Variants in NAV3 observed in about 807,000 individuals in gnomAD.
The protein encoded by NAV3 is pore membrane and/or filament interacting like protein 1.
NAV3 carries 87 observed loss-of-function variants against 244.7 expected under a neutral mutation model. The observed-to-expected ratio is 0.36, with a 90% CI of 0.30 to 0.42. The LOEUF (loss-of-function observed/expected upper bound fraction) is 0.42, where lower values mean the gene tolerates loss of function less well. Among genes scored for constraint, NAV3 ranks in the 20% least tolerant of loss-of-function variants. The pLI is 1.00. For missense variants in NAV3, 2,663 were observed against 2,893.3 expected, an observed-to-expected ratio of 0.92 and a Z score of 1.83; for synonymous variants, 1,126 against 1,042.2, an observed-to-expected ratio of 1.08 and a Z score of -1.55.
chr12:77,750,094 C>T (rs1565797784), intron 2 of NAV3, among the ~76,000 whole-genome samples: 10 of 152,156 alleles, frequency 6.6e-5, no homozygotes, highest in Admixed American at 6.5e-4. Flanking sequence ...TGGCTTACGC[C>T]TGTAATCCCA....
At chr12:78,063,269 G>T (rs915415273) in intron 12 of NAV3, among the ~76,000 whole-genome samples, 4 of 152,158 alleles carry the variant, frequency 2.6e-5, no homozygotes, top group African/African-American at 9.7e-5. Context: ...AAAAAAGATT[G>T]CAGAATGGGT....
intron 2 of NAV3, among the ~76,000 whole-genome samples, chr12:77,645,746 G>C (rs1198254066): frequency 6.6e-6 from 1 of 151,910 alleles, no homozygotes; most frequent in Non-Finnish European, 1.5e-5. Flanking sequence ...ATTTACCTAG[G>C]TTATTTGCAA....
intron 2 of NAV3, among the ~76,000 whole-genome samples, chr12:77,788,102 C>T (rs1046476939): frequency 2.0e-5 from 3 of 152,236 alleles, no homozygotes; most frequent in African/African-American, 7.2e-5. Context: ...CATTTATCAT[C>T]TCTGTGCCTT....
chr12:77,772,460 TA>T (rs774058055), intron 2 of NAV3, among the ~76,000 whole-genome samples: 1 of 152,132 alleles, frequency 6.6e-6, no homozygotes. Flanking sequence ...TTTATAAGGA[TA>T]AAAAATTCAT....
chr12:77,579,574 C>T (rs1437322134), intron 2 of NAV3, among the ~76,000 whole-genome samples: 1 of 152,124 alleles, frequency 6.6e-6, no homozygotes, highest in Non-Finnish European at 1.5e-5. Context: ...GGGTGGAGCC[C>T]TCAGTACATA....
intron 2 of NAV3, among the ~76,000 whole-genome samples, chr12:77,727,362 G>A (rs1876924243): frequency 6.6e-6 from 1 of 151,874 alleles, no homozygotes; most frequent in Non-Finnish European, 1.5e-5. Context: ...AGCAACCATA[G>A]GCATGGGAGA....
chr12:78,155,566 T>C (rs1457751361), intron 22 of NAV3, among the ~76,000 whole-genome samples: 3 of 152,124 alleles, frequency 2.0e-5, no homozygotes, highest in African/African-American at 7.2e-5. Flanking sequence ...AATTTCTGCT[T>C]CCAGATCTTT....
At chr12:77,852,830 A>G (rs936618838) in intron 1 of NAV3, among the ~76,000 whole-genome samples, 1 of 152,194 alleles carries the variant, frequency 6.6e-6, no homozygotes, top group African/African-American at 2.4e-5. Flanking sequence ...GTAGATTTAT[A>G]TTATTCCAGT....
At chr12:78,159,120 A>T in intron 22 of NAV3, 83 bp from the exon 23 acceptor site, 2 of 1,130,766 alleles carry the variant, frequency 1.8e-6, no homozygotes, top group Non-Finnish European at 1.3e-6. Context: ...ACATGAAATT[A>T]AGCATTTTGT....
At chr12:77,613,865 A>G (rs1871033021) in intron 2 of NAV3, among the ~76,000 whole-genome samples, 1 of 152,000 alleles carries the variant, frequency 6.6e-6, no homozygotes, top group Admixed American at 6.6e-5. Context: ...AACCAAGTCT[A>G]CCTGACGGCC....
At chr12:77,966,464 T>A (rs1892525170) in intron 4 of NAV3, among the ~76,000 whole-genome samples, 163 bp downstream of exon 4, 1 of 152,150 alleles carries the variant, frequency 6.6e-6, no homozygotes, top group East Asian at 1.9e-4. Flanking sequence ...TGGTTATTAA[T>A]ATGTGCTCTA....
At chr12:78,120,063 T>C in intron 15 of NAV3, 118 bp downstream of exon 15, 2 of 496,610 alleles carry the variant, frequency 4.0e-6, no homozygotes, top group Non-Finnish European at 6.0e-6. Context: ...TATATATATA[T>C]CTTAGAATTC....
chr12:77,833,975 C>A (rs1874173661), intron 1 of NAV3, among the ~76,000 whole-genome samples: 1 of 150,932 alleles, frequency 6.6e-6, no homozygotes, highest in Non-Finnish European at 1.5e-5. Context: ...CGACGTCCAG[C>A]CGCTTATGTG....
intron 1 of NAV3, among the ~76,000 whole-genome samples, chr12:77,868,431 C>T (rs1315979277): frequency 4.6e-5 from 7 of 152,010 alleles, no homozygotes; most frequent in African/African-American, 1.7e-4. Context: ...ATAGATGATT[C>T]CCTTTAATAG....
At chr12:77,607,795 T>G (rs1247772721) in intron 2 of NAV3, among the ~76,000 whole-genome samples, 1 of 152,108 alleles carries the variant, frequency 6.6e-6, no homozygotes, top group African/African-American at 2.4e-5. Flanking sequence ...GCATGTCTTG[T>G]CTCCTTACAC....
chr12:77,871,820 G>A (rs1881016240), intron 1 of NAV3, among the ~76,000 whole-genome samples: 1 of 152,124 alleles, frequency 6.6e-6, no homozygotes, highest in African/African-American at 2.4e-5. Flanking sequence ...GCATTGCTGG[G>A]TCAAATGGTA....
Position 78,011,989 on chromosome 12 carries a change from T to G in NAV3, c.1907+4544T>G, listed in dbSNP as rs995783607. 3.3e-5 allele frequency among the ~76,000 whole-genome samples: 5 copies of G among 152,068 alleles called. No individual in the cohort carries two copies. In the East Asian group the frequency reaches 5.8e-4, roughly 18 times the overall value. ...ATCAGGAGAACAGCATGGGGGAAACTGCTCCCTTGGTCCCATCACTTCCCA... is the reference window on the plus strand; with the variant it reads ...ATCAGGAGAACAGCATGGGGGAAACGGCTCCCTTGGTCCCATCACTTCCCA... On this transcript the variant is annotated intron_variant, in intron 8 of 39. Transcript: ENST00000397909.
rs1311237470 is a variant in NAV3, at chr12:78,119,838, G to A, written c.3642G>A (p.Leu1214=). 2 of 1,613,994 alleles carry A rather than the reference G, an allele frequency of 1.2e-6. No homozygotes were observed. The highest frequency in any genetic ancestry group is 1.3e-5 in the African/African-American group (1 of 74,896). Residue 1214 remains leucine (L), a synonymous_variant, in exon 15 of 40, where the codon TTG becomes TTA. Coordinates refer to ENST00000397909, the MANE Select transcript of NAV3 (RefSeq NM_001024383.2). The part of the protein sequence containing the change: ...VAVSDSESVS[L]SGSPKSSPTS... ...TCTCAGATTCAGAAAGTGTTTCTTT[G>A]TCAGGTTCCCCCAAATCCAGCCCCA...
At chr12:77,628,619 C>T (rs1260218963) in intron 2 of NAV3, among the ~76,000 whole-genome samples, 1 of 152,028 alleles carries the variant, frequency 6.6e-6, no homozygotes, top group Non-Finnish European at 1.5e-5. Context: ...TGTGGTGGCT[C>T]TTGCCTGTAA....
Sources: allele counts gnomAD v4.1 joint callset (sites outside exome capture counted in the v4.1 genomes callset), GRCh38; gene constraint gnomAD v4.1.1; transcripts MANE v1.5; gene names NCBI Gene and HGNC (gene_info 2026-07-23, HGNC 2026-07-21).